The following CALN1 variants were observed in gnomAD, a reference collection of about 807,000 sequenced individuals.
The protein encoded by CALN1 is calcium-binding protein 8.
CALN1 carries 17 observed loss-of-function variants against 30.6 expected under a neutral mutation model. The ratio of observed to expected loss-of-function variants is 0.56; its 90% CI spans 0.38 to 0.83. The LOEUF (loss-of-function observed/expected upper bound fraction) is 0.83, where lower values mean the gene tolerates loss of function less well. CALN1 is among the 40% of genes least tolerant of loss of function. The pLI is 0.00. For synonymous variants in CALN1, 156 were observed against 131.4 expected, an observed-to-expected ratio of 1.19 and a Z score of -1.28; for missense variants, 291 against 354.9, an observed-to-expected ratio of 0.82 and a Z score of 1.45.
chr7:72,473,844 G>A, the CALN1 span, among the ~76,000 whole-genome samples: 1 of 151,318 alleles, frequency 6.6e-6, no homozygotes, highest in Admixed American at 6.6e-5. Flanking sequence ...TGGGAGAATC[G>A]CTTGAACCCA....
At chr7:72,148,064 A>C (rs1355703981) in intron 3 of CALN1, among the ~76,000 whole-genome samples, 2 of 151,004 alleles carry the variant, frequency 1.3e-5, no homozygotes, top group Admixed American at 6.6e-5. Flanking sequence ...CATGTTGTGC[A>C]CACGTACCCT....
chr7:72,320,259 C>A (rs1463231502), intron 2 of CALN1, among the ~76,000 whole-genome samples: 3 of 152,126 alleles, frequency 2.0e-5, no homozygotes, highest in Non-Finnish European at 2.9e-5. Flanking sequence ...GGGCTAGGAC[C>A]CCAGCCTACG....
chr7:72,409,566 G>C (rs1043668295), intron 1 of CALN1, among the ~76,000 whole-genome samples: 1 of 151,924 alleles, frequency 6.6e-6, no homozygotes, highest in South Asian at 2.1e-4. Flanking sequence ...TGGGTTACAA[G>C]CAGACTCAGC....
chr7:72,245,068 C>T (rs762702924), intron 3 of CALN1, among the ~76,000 whole-genome samples: 5 of 152,122 alleles, frequency 3.3e-5, no homozygotes, highest in Non-Finnish European at 7.3e-5. Context: ...CCCAAAACAT[C>T]GTAGGTGATG....
intron 2 of CALN1, among the ~76,000 whole-genome samples, chr7:72,315,017 G>T (rs927234736): frequency 4.0e-5 from 6 of 151,116 alleles, no homozygotes; most frequent in Non-Finnish European, 8.8e-5. Context: ...TGGACATGAC[G>T]GCACACACCT....
intron 6 of CALN1, among the ~76,000 whole-genome samples, chr7:71,792,797 G>A (rs945655952): frequency 1.3e-5 from 2 of 152,108 alleles, no homozygotes; most frequent in African/African-American, 4.8e-5. Context: ...AAAGCATTAG[G>A]AAGAGAAACA....
chr7:72,242,085 A>C lies in CALN1; in HGVS notation c.244+36601T>G, dbSNP rs569831004. 2.6e-5 allele frequency among the ~76,000 whole-genome samples: 4 copies of C among 152,248 alleles called. No individual in the cohort carries two copies. In the South Asian group the frequency reaches 8.3e-4, roughly 32 times the overall value. ...GGCAACCACCCTTCTACTTCCTATGAATTTAGCTATTCTAGGGACCTCATA... is the reference window on the plus strand; with the variant it reads ...GGCAACCACCCTTCTACTTCCTATGCATTTAGCTATTCTAGGGACCTCATA... On this transcript the variant is annotated intron_variant, in intron 3 of 6. Coordinates refer to ENST00000395275, the MANE Select transcript of CALN1 (RefSeq NM_031468.4).
At chr7:71,836,723 T>C (rs138606379) in intron 5 of CALN1, among the ~76,000 whole-genome samples, 1 of 150,266 alleles carries the variant, frequency 6.7e-6, no homozygotes, top group African/African-American at 2.4e-5. Context: ...GTTCAAGCAA[T>C]TCTTGTGCCT....
chr7:71,936,228 G>A (rs1449983007), intron 5 of CALN1, among the ~76,000 whole-genome samples: 1 of 152,078 alleles, frequency 6.6e-6, no homozygotes. Flanking sequence ...ACTGGGCGCG[G>A]TGGCTCACGC....
At chr7:72,499,799 T>C in the CALN1 span, among the ~76,000 whole-genome samples, 2 of 53,168 alleles carry the variant, frequency 3.8e-5, no homozygotes, top group Non-Finnish European at 3.3e-5. Flanking sequence ...CCTTCCTTCC[T>C]TCCTTCCTTC....
At chr7:72,472,497 T>C in the CALN1 span, among the ~76,000 whole-genome samples, 2 of 152,036 alleles carry the variant, frequency 1.3e-5, no homozygotes, top group Non-Finnish European at 2.9e-5. Flanking sequence ...GAAAGGTGTG[T>C]CTCGAGGCCT....
chr7:72,251,151 C>A (rs183593903), intron 3 of CALN1, among the ~76,000 whole-genome samples: 1 of 152,128 alleles, frequency 6.6e-6, no homozygotes, highest in Non-Finnish European at 1.5e-5. Context: ...TACCCTAAGC[C>A]CTCAGACCTA....
intron 5 of CALN1, among the ~76,000 whole-genome samples, chr7:72,005,390 G>A (rs564850445): frequency 4.6e-5 from 7 of 152,254 alleles, no homozygotes; most frequent in South Asian, 2.1e-4. Flanking sequence ...GTTCAGTGGC[G>A]TGATCACGGC....
At chr7:72,335,768 T>C (rs1801981881) in intron 2 of CALN1, among the ~76,000 whole-genome samples, 1 of 152,210 alleles carries the variant, frequency 6.6e-6, no homozygotes, top group Non-Finnish European at 1.5e-5. Context: ...GGTGGGCTGG[T>C]GGCCCGGGCG....
At chr7:71,876,013 T>G (rs1348207653) in intron 5 of CALN1, among the ~76,000 whole-genome samples, 54 of 152,046 alleles carry the variant, frequency 3.6e-4, no homozygotes, top group Non-Finnish European at 2.9e-5. Flanking sequence ...AGATGAGAGG[T>G]TTGGGGCATT....
intron 4 of CALN1, among the ~76,000 whole-genome samples, chr7:72,093,070 C>T (rs972670546): frequency 1.3e-5 from 2 of 152,082 alleles, no homozygotes; most frequent in East Asian, 1.9e-4. Context: ...GCTCTGAAAA[C>T]AAAGTACGCA....
At chr7:72,015,919 C>G (rs1397516237) in intron 5 of CALN1, among the ~76,000 whole-genome samples, 1 of 152,102 alleles carries the variant, frequency 6.6e-6, no homozygotes, top group African/African-American at 2.4e-5. Flanking sequence ...ATAGACATCA[C>G]TGCTGAAAAC....
chr7:72,017,812 C>A (rs1335219490), intron 5 of CALN1, among the ~76,000 whole-genome samples: 6 of 151,948 alleles, frequency 3.9e-5, no homozygotes, highest in African/African-American at 1.5e-4. Flanking sequence ...GCAAAGGAAC[C>A]CAGTTCTACA....
intron 3 of CALN1, among the ~76,000 whole-genome samples, chr7:72,113,561 C>T (rs1388885322): frequency 1.3e-5 from 2 of 152,238 alleles, no homozygotes; most frequent in Non-Finnish European, 2.9e-5. Flanking sequence ...GGCTCTACCC[C>T]GCAGGCCAGG....
Sources: gnomAD v4.1 joint callset for allele counts (sites outside exome capture counted in the v4.1 genomes callset) on GRCh38, gnomAD v4.1.1 for gene constraint, MANE v1.5 for transcripts, NCBI Gene and HGNC (gene_info 2026-07-23, HGNC 2026-07-21) for gene names.